The following SORCS1 variants were observed in gnomAD, a reference collection of about 807,000 sequenced individuals.
SORCS1 encodes the protein VPS10 domain-containing receptor SorCS1.
In SORCS1, 60 loss-of-function variants were observed where a neutral mutation model predicts 146.1. The ratio of observed to expected loss-of-function variants is 0.41; its 90% CI spans 0.33 to 0.51. SORCS1 has a LOEUF of 0.51. Ranked by LOEUF, SORCS1 falls within the 20% of genes least tolerant of loss-of-function variation. The pLI is 0.21. For missense variants in SORCS1, 1,352 were observed against 1,487.6 expected (o/e 0.91, Z 1.50); for synonymous variants, 637 against 584.0 (o/e 1.09, Z -1.31).
intron 2 of SORCS1, among the ~76,000 whole-genome samples, chr10:106,864,706 C>T (rs993270080): frequency 6.6e-6 from 1 of 152,136 alleles, no homozygotes; most frequent in Non-Finnish European, 1.5e-5. Flanking sequence ...ACAATTGCAC[C>T]TCACTGAGCT....
chr10:106,977,936 T>TA (rs1472445166), intron 1 of SORCS1, among the ~76,000 whole-genome samples: 1 of 152,242 alleles, frequency 6.6e-6, no homozygotes, highest in Non-Finnish European at 1.5e-5. Context: ...GTGCGCATGA[T>TA]ATGTTTGTGG....
chr10:107,030,810 A>G (rs1958617019), intron 1 of SORCS1, among the ~76,000 whole-genome samples: 1 of 152,226 alleles, frequency 6.6e-6, no homozygotes, highest in African/African-American at 2.4e-5. Flanking sequence ...AAGCTATACT[A>G]GAAGGAAAAC....
At chr10:106,911,637 C>T (rs887108022) in intron 2 of SORCS1, among the ~76,000 whole-genome samples, 6 of 152,138 alleles carry the variant, frequency 3.9e-5, no homozygotes, top group East Asian at 1.9e-4. Context: ...TGGCATTTCT[C>T]GGCTGATCCA....
chr10:106,852,644 AAAAG>A (rs1564736020), intron 2 of SORCS1, among the ~76,000 whole-genome samples: 1 of 149,694 alleles, frequency 6.7e-6, no homozygotes, highest in Non-Finnish European at 1.5e-5. Flanking sequence ...AAAAAAAAAA[AAAAG>A]AAAGAAAAGA....
intron 1 of SORCS1, among the ~76,000 whole-genome samples, chr10:107,128,714 C>T (rs78529926): frequency 2.0e-4 from 30 of 152,282 alleles, no homozygotes; most frequent in African/African-American, 6.7e-4. Context: ...CCTAATACCC[C>T]TTTATCGTGG....
chr10:106,966,171 C>G (rs920666583), intron 1 of SORCS1, among the ~76,000 whole-genome samples: 51 of 152,302 alleles, frequency 3.3e-4, no homozygotes, highest in African/African-American at 1.1e-3. Context: ...TAATTACACT[C>G]TTTTTGAGTT....
intron 2 of SORCS1, among the ~76,000 whole-genome samples, chr10:106,893,767 G>T (rs1951333397): frequency 6.6e-6 from 1 of 152,046 alleles, no homozygotes; most frequent in South Asian, 2.1e-4. Context: ...CAGCTCAAAT[G>T]ACAAACTAAA....
intron 1 of SORCS1, among the ~76,000 whole-genome samples, chr10:107,102,693 A>G (rs1344203783): frequency 6.6e-6 from 1 of 152,176 alleles, no homozygotes; most frequent in Admixed American, 6.5e-5. Context: ...AAAGCGATAA[A>G]CTGTGGTTCT....
At chr10:106,642,147 A>G (rs1849112730) in intron 18 of SORCS1, among the ~76,000 whole-genome samples, 1 of 152,210 alleles carries the variant, frequency 6.6e-6, no homozygotes. Context: ...ACTGGGACAA[A>G]GAAAAGAGGC....
chr10:106,858,607 C>CAAAAAAAAA (rs71482495), intron 2 of SORCS1, among the ~76,000 whole-genome samples: 1 of 81,162 alleles, frequency 1.2e-5, no homozygotes. Flanking sequence ...GCCTCTGTCT[C>CAAAAAAAAA]AAAAAAAAAA....
At chr10:106,581,071 A>G (rs1844876081) in intron 24 of SORCS1, among the ~76,000 whole-genome samples, 1 of 152,172 alleles carries the variant, frequency 6.6e-6, no homozygotes, top group Non-Finnish European at 1.5e-5. Context: ...AAAGCTCTCA[A>G]TGCCATCGGC....
At chr10:107,107,925 A>G (rs981904999) in intron 1 of SORCS1, among the ~76,000 whole-genome samples, 1 of 152,196 alleles carries the variant, frequency 6.6e-6, no homozygotes, top group Non-Finnish European at 1.5e-5. Flanking sequence ...TTGAGTCTGG[A>G]TGTAGACCCT....
At chr10:107,142,221 T>C (rs1967903458) in intron 1 of SORCS1, among the ~76,000 whole-genome samples, 1 of 152,146 alleles carries the variant, frequency 6.6e-6, no homozygotes, top group Admixed American at 6.5e-5. Flanking sequence ...GAGGAAATGA[T>C]ATTAAAATGT....
intron 2 of SORCS1, among the ~76,000 whole-genome samples, chr10:106,955,881 G>A (rs964115341): frequency 6.7e-6 from 1 of 150,186 alleles, no homozygotes; most frequent in Non-Finnish European, 1.5e-5. Flanking sequence ...TAATCCCACC[G>A]TTTTGGATGG....
intron 4 of SORCS1, among the ~76,000 whole-genome samples, chr10:106,769,005 A>G (rs977889454): frequency 1.3e-5 from 2 of 152,232 alleles, no homozygotes; most frequent in African/African-American, 4.8e-5. Flanking sequence ...GTGACAGAGC[A>G]GAGAGCTGAT....
intron 1 of SORCS1, among the ~76,000 whole-genome samples, chr10:106,981,676 G>A (rs937817117): frequency 1.3e-5 from 2 of 151,760 alleles, no homozygotes; most frequent in Non-Finnish European, 2.9e-5. Context: ...TTTTTTTCTC[G>A]TCTCCAACAA....
chr10:107,040,759 G>A (rs1471776979), intron 1 of SORCS1, among the ~76,000 whole-genome samples: 1 of 152,134 alleles, frequency 6.6e-6, no homozygotes, highest in Non-Finnish European at 1.5e-5. Flanking sequence ...TAGCCAAAAG[G>A]ATTTGGTAGC....
chr10:107,072,614 T>TAC (rs1249747053), intron 1 of SORCS1, among the ~76,000 whole-genome samples: 1 of 151,754 alleles, frequency 6.6e-6, no homozygotes, highest in African/African-American at 2.4e-5. Flanking sequence ...TACACATATA[T>TAC]ATATACACAC....
At chr10:106,584,080 A>G (rs908104128) in intron 24 of SORCS1, among the ~76,000 whole-genome samples, 9 of 152,134 alleles carry the variant, frequency 5.9e-5, no homozygotes, top group Admixed American at 1.3e-4. Context: ...CCTGACCCCA[A>G]AGTAGACTCA....
Sources: gnomAD v4.1 joint callset for allele counts (sites outside exome capture counted in the v4.1 genomes callset) on GRCh38, gnomAD v4.1.1 for gene constraint, MANE v1.5 for transcripts, NCBI Gene and HGNC (gene_info 2026-07-23, HGNC 2026-07-21) for gene names.